Variants in TOP2B observed in about 807,000 individuals in gnomAD.
TOP2B encodes the protein DNA topoisomerase 2-beta.
In TOP2B, 51 loss-of-function variants were observed where a neutral mutation model predicts 193.5. The ratio of observed to expected loss-of-function variants is 0.26; its 90% confidence interval spans 0.21 to 0.33. The LOEUF is 0.33. Among genes scored for constraint, TOP2B ranks in the 10% least tolerant of loss-of-function variants. TOP2B has a pLI of 1.00. For missense variants in TOP2B, 1,378 were observed against 1,909.3 expected, an observed-to-expected ratio of 0.72 and a Z score of 5.19; for synonymous variants, 634 against 635.7, an observed-to-expected ratio of 1.00 and a Z score of 0.04.
At chr3:25,655,118 C>A (rs1488043369) in intron 1 of TOP2B, among the ~76,000 whole-genome samples, 1 of 151,982 alleles carries the variant, frequency 6.6e-6, no homozygotes, top group African/African-American at 2.4e-5. Flanking sequence ...GAAAAGGCAG[C>A]GTATGGAATG....
At chr3:25,600,039 G>T (rs1040265643) in intron 34 of TOP2B, among the ~76,000 whole-genome samples, 2 of 152,122 alleles carry the variant, frequency 1.3e-5, no homozygotes, top group African/African-American at 2.4e-5. Context: ...ACAACCAATT[G>T]CATATCCCAC....
intron 10 of TOP2B, among the ~76,000 whole-genome samples, chr3:25,631,457 A>G (rs1702953859): frequency 1.3e-5 from 2 of 152,098 alleles, no homozygotes; most frequent in South Asian, 4.1e-4. Context: ...TATTGTTTGT[A>G]CTCTGCAGTG....
At chr3:25,617,014 A>G (rs1437513364) in intron 25 of TOP2B, among the ~76,000 whole-genome samples, 1 of 152,124 alleles carries the variant, frequency 6.6e-6, no homozygotes, top group Non-Finnish European at 1.5e-5. Flanking sequence ...CACTCTTGTA[A>G]GAGCAGTTCC....
At chr3:25,620,326 G>A (rs577703647) in intron 22 of TOP2B, among the ~76,000 whole-genome samples, 28 of 151,952 alleles carry the variant, frequency 1.8e-4, no homozygotes, top group African/African-American at 6.3e-4. Flanking sequence ...GACATCAACT[G>A]GAACTGTCAA....
Position 25,614,290 on chromosome 3 carries a change from A to G in TOP2B, c.3591+915T>C, listed in dbSNP as rs183777852. Among the ~76,000 whole-genome samples the G allele has an allele frequency of 2.7e-5, 4 of 150,690 alleles. No individual in the cohort carries two copies. The East Asian group carries it at 5.9e-4, about 22-fold the overall frequency. On this transcript the variant is annotated intron_variant, in intron 27 of 35. Coordinates refer to ENST00000264331, the MANE Select transcript of TOP2B (RefSeq NM_001330700.2). ...TATATTAGTGACCAAATTTAAAGCAATATCAGGATATCAATAATATTAGGA... is the reference window on the plus strand; with the variant it reads ...TATATTAGTGACCAAATTTAAAGCAGTATCAGGATATCAATAATATTAGGA...
intron 30 of TOP2B, 84 bp downstream of exon 30, chr3:25,609,099 T>C (rs1433247109): frequency 2.5e-6 from 3 of 1,201,630 alleles, no homozygotes; most frequent in Non-Finnish European, 3.3e-6. Flanking sequence ...AATGGCTTAG[T>C]ACTTAAACAA....
intron 32 of TOP2B, among the ~76,000 whole-genome samples, chr3:25,605,403 CT>C (rs1702210873): frequency 6.6e-6 from 1 of 152,152 alleles, no homozygotes; most frequent in South Asian, 2.1e-4. Flanking sequence ...ATAGCACAAA[CT>C]TTTAAAATAG....
intron 1 of TOP2B, among the ~76,000 whole-genome samples, chr3:25,658,329 G>A (rs1359985667): frequency 6.6e-6 from 1 of 151,672 alleles, no homozygotes; most frequent in African/African-American, 2.4e-5. Flanking sequence ...AAGTTTATTT[G>A]TAATTTATTT....
At chr3:25,608,633 A>C (rs568935722) in intron 30 of TOP2B, among the ~76,000 whole-genome samples, 8 of 152,346 alleles carry the variant, frequency 5.3e-5, no homozygotes, top group African/African-American at 1.7e-4. Context: ...AGAATGTACA[A>C]AATAGAAAAC....
intron 10 of TOP2B, among the ~76,000 whole-genome samples, chr3:25,632,077 A>G (rs111377613): frequency 3.9e-5 from 6 of 152,152 alleles, no homozygotes; most frequent in African/African-American, 1.4e-4. Flanking sequence ...ATGTTACCAC[A>G]ATTTTTAAAC....
intron 33 of TOP2B, among the ~76,000 whole-genome samples, chr3:25,603,592 T>C (rs1471364734): frequency 6.6e-6 from 1 of 152,142 alleles, no homozygotes; most frequent in Non-Finnish European, 1.5e-5. Flanking sequence ...TCAATGTGGG[T>C]TCCCCAGATT....
At chr3:25,598,973 GC>G (rs766380241) in intron 35 of TOP2B, among the ~76,000 whole-genome samples, 8 of 152,070 alleles carry the variant, frequency 5.3e-5, no homozygotes, top group African/African-American at 9.7e-5. Context: ...AAAAAGGGAT[GC>G]GGGGGAGCTG....
At position 25,664,595 on chromosome 3, in the gene TOP2B, TCGCCCGCCCGCGGGCGCCGCTGCAGGC is replaced by T. The variant is rs1182438336; in HGVS notation, c.-325_-299del. 2.0e-6 allele frequency: 2 copies of T among 1,009,646 alleles called. No individual in the cohort carries two copies. The highest frequency in any genetic ancestry group is 3.5e-5 in the African/African-American group (2 of 57,574). 62.5% of individuals were successfully genotyped at this position (1,009,646 alleles called of 1,614,324 possible). ...GCGGCCGAGCGGCGGCGTTGCCTTC[TCGCCCGCCCGCGGGCGCCGCTGCAGGC>T]CGGGCTGAAGCCCGGGCGTGCGAGC... is the stretch of plus-strand genomic sequence containing the variant. On this transcript the variant is annotated 5_prime_UTR_variant, in exon 1 of 36. Coordinates refer to ENST00000264331, the MANE Select transcript of TOP2B (RefSeq NM_001330700.2).
At chr3:25,653,661 C>T (rs868440368) in intron 1 of TOP2B, among the ~76,000 whole-genome samples, 2 of 151,960 alleles carry the variant, frequency 1.3e-5, no homozygotes, top group Non-Finnish European at 2.9e-5. Flanking sequence ...AACTCCTGGC[C>T]GCAAGCGATT....
Position 25,642,339 on chromosome 3 carries a change from A to C in TOP2B, c.378T>G (p.Ile126Met), listed in dbSNP as rs1434764984. The C allele has an allele frequency of 4.5e-6, 7 of 1,546,210 alleles. No individual in the cohort carries two copies. In the Admixed American group the frequency reaches 1.4e-4, roughly 31 times the overall value. Residue 126 changes from isoleucine to methionine, a missense_variant, in exon 4 of 36, where the codon ATT (isoleucine) becomes ATG (methionine). Physicochemically the swap from Ile to Met is conservative, Grantham distance 10. Coordinates refer to ENST00000264331, the MANE Select transcript of TOP2B (RefSeq NM_001330700.2). ...NKQRDKNMTCIKVSIDPESNI... is the reference protein window; with the variant it reads ...NKQRDKNMTCMKVSIDPESNI... The stretch of plus-strand genomic sequence containing the variant: ...ATACTTACGGATCAATAGAAACTTT[A>C]ATACAAGTCATGTTCTTATCCCTCT...
chr3:25,644,802 T>C (rs1680002020), intron 2 of TOP2B, among the ~76,000 whole-genome samples: 1 of 151,866 alleles, frequency 6.6e-6, no homozygotes, highest in African/African-American at 2.4e-5. Context: ...CTGATTTTTG[T>C]TTTTTGTTTT....
In TOP2B at chr3:25,623,526, G is replaced by T. The variant is rs1702717238; in HGVS notation, c.2716C>A (p.Pro906Thr). The change falls in exon 21 of 36, where the codon CCT becomes ACT. Residue 906 changes from proline to threonine, a missense_variant. Pro to Thr is a conservative substitution (Grantham distance 38). Coordinates refer to ENST00000264331, the MANE Select transcript of TOP2B (RefSeq NM_001330700.2). ...TTCCAAATAATTACCATGGGATGAGGATCCAGGCCATCTAGCATTCGTCTG... is the reference window on the plus strand; with the variant it reads ...TTCCAAATAATTACCATGGGATGAGTATCCAGGCCATCTAGCATTCGTCTG... ...NVRRMLDGLD[P>T]HPMLPNYKNF... 1.2e-6 allele frequency: 2 copies of T among 1,613,510 alleles called. No homozygotes were observed. Among genetic ancestry groups the T allele is most frequent in the Non-Finnish European group, 1.7e-6 (2 of 1,179,626 alleles).
intron 28 of TOP2B, among the ~76,000 whole-genome samples, 169 bp from the exon 29 acceptor site, chr3:25,609,881 T>C (rs946197678): frequency 8.5e-5 from 13 of 152,198 alleles, no homozygotes; most frequent in African/African-American, 2.9e-4. Context: ...ACTTCACTTA[T>C]CTATAGTAAA....
intron 30 of TOP2B, 101 bp from the exon 31 acceptor site, chr3:25,607,476 CTA>C (rs1257884728): frequency 3.7e-6 from 5 of 1,343,130 alleles, no homozygotes; most frequent in Non-Finnish European, 5.0e-6. Context: ...CCAACCATCT[CTA>C]AAAATACCAT....
Sources: allele counts gnomAD v4.1 joint callset (sites outside exome capture counted in the v4.1 genomes callset), GRCh38; gene constraint gnomAD v4.1.1; transcripts MANE v1.5; gene names NCBI Gene and HGNC (gene_info 2026-07-23, HGNC 2026-07-21).